AGBL1: variants seen among roughly 807,000 people sequenced by gnomAD.
AGBL1 encodes the protein cytosolic carboxypeptidase 4.
AGBL1 carries 130 observed loss-of-function variants against 118.9 expected under a neutral mutation model. The observed-to-expected ratio is 1.09, with a 90% CI of 0.95 to 1.26. The LOEUF (loss-of-function observed/expected upper bound fraction) is 1.26, where lower values mean the gene tolerates loss of function less well. AGBL1 is among the 50% of genes most tolerant of loss of function. AGBL1 has a pLI of 0.00. For synonymous variants in AGBL1, 555 were observed against 478.9 expected, an observed-to-expected ratio of 1.16 and a Z score of -2.08; for missense variants, 1,584 against 1,298.1, an observed-to-expected ratio of 1.22 and a Z score of -3.38.
chr15:86,424,464 G>C (rs1230747590), intron 18 of AGBL1, among the ~76,000 whole-genome samples: 2 of 152,124 alleles, frequency 1.3e-5, no homozygotes, highest in Non-Finnish European at 2.9e-5. Flanking sequence ...ATACCATTCA[G>C]GACATAGGCA....
At chr15:86,627,247 A>G (rs1255999235) in intron 21 of AGBL1, among the ~76,000 whole-genome samples, 1 of 152,078 alleles carries the variant, frequency 6.6e-6, no homozygotes, top group African/African-American at 2.4e-5. Context: ...TGATTCGCCC[A>G]CCTCAGCCTC....
chr15:86,752,172 G>T (rs564343113), intron 22 of AGBL1, among the ~76,000 whole-genome samples: 2 of 152,162 alleles, frequency 1.3e-5, no homozygotes, highest in African/African-American at 4.8e-5. Flanking sequence ...GTGCCGTGAT[G>T]CCAGGATGGA....
chr15:86,252,612 G>T (rs897775265), intron 7 of AGBL1, among the ~76,000 whole-genome samples: 1 of 152,142 alleles, frequency 6.6e-6, no homozygotes, highest in Non-Finnish European at 1.5e-5. Flanking sequence ...GGCCCTACTT[G>T]GTCTTGCTGA....
rs528150256 is a variant in AGBL1 at position 86,807,859 on chromosome 15, G to A, written c.3159-99228G>A. ...TACCTACAGTATGTGAGAGATAATT[G>A]AAGTAAAACAAGTGTTATAGCTGCT... On this transcript the variant is annotated intron_variant, in intron 22 of 22. Coordinates refer to ENST00000614907, the MANE Select transcript of AGBL1 (RefSeq NM_001386094.1). Among the ~76,000 whole-genome samples the A allele has an allele frequency of 4.6e-5, 7 of 152,188 alleles. No individual in the cohort carries two copies. The South Asian group carries it at 1.5e-3, about 32-fold the overall frequency.
At chr15:86,874,251 A>G (rs925446951) in intron 22 of AGBL1, among the ~76,000 whole-genome samples, 3 of 152,154 alleles carry the variant, frequency 2.0e-5, no homozygotes, top group African/African-American at 7.2e-5. Context: ...TTGCTTAAAT[A>G]AAAGAAAAAA....
intron 4 of AGBL1, among the ~76,000 whole-genome samples, chr15:86,157,822 T>C (rs779418008): frequency 6.6e-6 from 1 of 152,148 alleles, no homozygotes; most frequent in Non-Finnish European, 1.5e-5. Context: ...AGATGGCCAA[T>C]GAGGATGTTC....
At chr15:86,821,396 A>C (rs1232816654) in intron 22 of AGBL1, among the ~76,000 whole-genome samples, 2 of 152,216 alleles carry the variant, frequency 1.3e-5, no homozygotes, top group Admixed American at 6.5e-5. Context: ...TTGAATTTGA[A>C]ATCTAAGGCT....
At chr15:86,787,146 A>G (rs760234050) in intron 22 of AGBL1, among the ~76,000 whole-genome samples, 14 of 152,194 alleles carry the variant, frequency 9.2e-5, no homozygotes, top group Non-Finnish European at 1.9e-4. Flanking sequence ...TTAATACATA[A>G]TGTTTATATA....
At chr15:86,510,873 A>G (rs959952470) in intron 18 of AGBL1, among the ~76,000 whole-genome samples, 10 of 152,100 alleles carry the variant, frequency 6.6e-5, no homozygotes, top group Non-Finnish European at 1.0e-4. Flanking sequence ...TATTCCTCAG[A>G]TAAAGGTGAA....
downstream of AGBL1, among the ~76,000 whole-genome samples, chr15:86,917,848 CAG>C (rs1026826748): frequency 1.9e-4 from 28 of 146,680 alleles, no homozygotes; most frequent in African/African-American, 7.1e-4. This position sits in a 1 kb window ranked among gnomAD's most constrained non-coding sequence, Gnocchi z 4.8. Flanking sequence ...AAGAGGGCCT[CAG>C]AGAAGTCCTG....
At position 86,614,171 on chromosome 15, in the gene AGBL1, T is replaced by G. The variant is rs75897543; in HGVS notation, c.2994+59634T>G. On this transcript the variant is annotated intron_variant, in intron 21 of 22. Transcript: ENST00000614907. ...GGCACTGGGAATAAAACAAAATGAA[T>G]AATATATGCATCGAGCTCTATGTAT... Among the ~76,000 whole-genome samples the G allele has an allele frequency of 7.2e-5, 11 of 152,324 alleles. No homozygotes were observed. The East Asian group carries it at 2.1e-3, about 29-fold the overall frequency.
intron 22 of AGBL1, among the ~76,000 whole-genome samples, chr15:86,679,980 TG>T: frequency 6.6e-6 from 1 of 152,256 alleles, no homozygotes; most frequent in African/African-American, 2.4e-5. Flanking sequence ...GAGTGAAGTC[TG>T]TGCTTGGTTT....
chr15:86,431,190 G>A (rs1473947487), intron 18 of AGBL1, among the ~76,000 whole-genome samples: 7 of 152,042 alleles, frequency 4.6e-5, no homozygotes, highest in Non-Finnish European at 8.8e-5. Context: ...ACCATGACCA[G>A]GAGAGATTAG....
At chr15:86,341,841 A>C (rs1226704913) in intron 17 of AGBL1, among the ~76,000 whole-genome samples, 1 of 152,082 alleles carries the variant, frequency 6.6e-6, no homozygotes, top group Non-Finnish European at 1.5e-5. Context: ...TTTAAGGAGG[A>C]AGGAACATTA....
intron 22 of AGBL1, among the ~76,000 whole-genome samples, chr15:86,752,119 G>A (rs983110526): frequency 2.6e-5 from 4 of 152,150 alleles, no homozygotes; most frequent in African/African-American, 9.6e-5. Context: ...AGGAGTTAAT[G>A]TACCACAGGT....
chr15:86,765,707 A>G (rs2078088263), intron 22 of AGBL1, among the ~76,000 whole-genome samples: 1 of 151,946 alleles, frequency 6.6e-6, no homozygotes, highest in South Asian at 2.1e-4. Context: ...TTTTTTTTAA[A>G]AATTTTTAAA....
chr15:86,565,593 G>C (rs778448249), intron 21 of AGBL1, among the ~76,000 whole-genome samples: 1 of 152,234 alleles, frequency 6.6e-6, no homozygotes, highest in Non-Finnish European at 1.5e-5. Flanking sequence ...CCCACTTGAG[G>C]AGGAAGTCTG....
intron 17 of AGBL1, among the ~76,000 whole-genome samples, chr15:86,395,091 T>C (rs1008550970): frequency 2.0e-5 from 3 of 152,150 alleles, no homozygotes; most frequent in Non-Finnish European, 2.9e-5. Flanking sequence ...CTGTTACTTA[T>C]CACAGGATAT....
intron 22 of AGBL1, among the ~76,000 whole-genome samples, chr15:86,778,502 C>G (rs2078289464): frequency 6.6e-6 from 1 of 152,128 alleles, no homozygotes; most frequent in Non-Finnish European, 1.5e-5. Flanking sequence ...GAGGCCTACC[C>G]TCAGGGACGC....
Sources: allele counts gnomAD v4.1 joint callset (sites outside exome capture counted in the v4.1 genomes callset), GRCh38; gene constraint gnomAD v4.1.1; non-coding constraint Gnocchi (gnomAD v3.1); transcripts MANE v1.5; gene names NCBI Gene and HGNC (gene_info 2026-07-23, HGNC 2026-07-21).